The following TMTC2 variants were observed in gnomAD, a reference collection of about 807,000 sequenced individuals.
TMTC2 encodes protein O-mannosyl-transferase TMTC2.
In TMTC2, 43 loss-of-function variants were observed where a neutral mutation model predicts 82.4. The observed-to-expected ratio is 0.52, with a 90% CI of 0.41 to 0.67. The LOEUF is 0.67. Ranked by LOEUF, TMTC2 falls within the 30% of genes least tolerant of loss-of-function variation. The pLI is 0.00. For missense variants in TMTC2, 919 were observed against 1,012.4 expected, an observed-to-expected ratio of 0.91 and a Z score of 1.25; for synonymous variants, 408 against 381.9, an observed-to-expected ratio of 1.07 and a Z score of -0.80.
intron 7 of TMTC2, among the ~76,000 whole-genome samples, chr12:82,974,197 C>A (rs1878568568): frequency 6.6e-6 from 1 of 152,036 alleles, no homozygotes; most frequent in Non-Finnish European, 1.5e-5. Flanking sequence ...GGAGAGACTC[C>A]ATCTCTACAT....
intron 4 of TMTC2, among the ~76,000 whole-genome samples, chr12:82,952,921 G>A (rs764954430): frequency 2.6e-5 from 4 of 152,172 alleles, no homozygotes; most frequent in Non-Finnish European, 5.9e-5. Context: ...CATTTTGTCA[G>A]TTGGGAAGAG....
intron 9 of TMTC2, among the ~76,000 whole-genome samples, chr12:83,043,277 G>T (rs76020552): frequency 0.01 from 1,527 of 152,276 alleles, 21 homozygotes; most frequent in Admixed American, 0.023. Context: ...CCTACAGCTA[G>T]TCTAAAACCT....
intron 8 of TMTC2, among the ~76,000 whole-genome samples, chr12:83,016,548 G>GA (rs778131201): frequency 2.8e-4 from 42 of 152,302 alleles, no homozygotes; most frequent in Admixed American, 1.2e-3. Flanking sequence ...CCATGTGTAA[G>GA]AGTAGGAATT....
intron 1 of TMTC2, among the ~76,000 whole-genome samples, chr12:82,761,884 T>TTCTC (rs66906113): frequency 1.3e-3 from 189 of 150,016 alleles, no homozygotes; most frequent in African/African-American, 3.3e-3. Context: ...CTTTCTTTCT[T>TTCTC]TCTCTCTCTT....
chr12:82,893,743 A>G (rs78975397), intron 2 of TMTC2, among the ~76,000 whole-genome samples: 4,437 of 152,314 alleles, frequency 0.029, 95 homozygotes, highest in Middle Eastern at 0.051. Flanking sequence ...TGGACATATC[A>G]CCATAAAGTG....
intron 8 of TMTC2, among the ~76,000 whole-genome samples, chr12:83,025,262 A>G (rs1881112366): frequency 6.6e-6 from 1 of 152,010 alleles, no homozygotes; most frequent in Non-Finnish European, 1.5e-5. Flanking sequence ...TGGTTATTGT[A>G]TTTATGGAAT....
intron 8 of TMTC2, among the ~76,000 whole-genome samples, chr12:83,026,797 T>G (rs746226375): frequency 2.0e-5 from 3 of 151,702 alleles, no homozygotes; most frequent in Non-Finnish European, 4.4e-5. Context: ...AAACCATTGA[T>G]CAGTGATTGG....
At chr12:82,850,041 A>T (rs1227639682) in intron 1 of TMTC2, among the ~76,000 whole-genome samples, 1 of 152,022 alleles carries the variant, frequency 6.6e-6, no homozygotes, top group Non-Finnish European at 1.5e-5. Context: ...GGGGAGATAC[A>T]GTACATTAAC....
In TMTC2 at chr12:82,873,386, T is replaced by C. The variant is rs551625001; in HGVS notation, c.654+15806T>C. ...TAGTCTGCTTAGCTGTCTATTCTAC[T>C]GTATAACAAATTGGCACTGAAGTTT... On this transcript the variant is annotated intron_variant, in intron 2 of 11. Coordinates refer to ENST00000321196, the MANE Select transcript of TMTC2 (RefSeq NM_152588.3). Among the ~76,000 whole-genome samples, 13 of 152,224 alleles carry C rather than the reference T, an allele frequency of 8.5e-5. No individual in the cohort carries two copies. In the South Asian group the frequency reaches 2.7e-3, roughly 32 times the overall value.
At chr12:82,993,401 A>AT (rs1254483677) in intron 8 of TMTC2, among the ~76,000 whole-genome samples, 1 of 151,930 alleles carries the variant, frequency 6.6e-6, no homozygotes, top group African/African-American at 2.4e-5. Flanking sequence ...ACATTGGAAA[A>AT]TTTTTTGGAG....
chr12:83,120,298 C>T (rs572014234), intron 11 of TMTC2, among the ~76,000 whole-genome samples: 82 of 152,196 alleles, frequency 5.4e-4, no homozygotes, highest in Middle Eastern at 3.4e-3. Flanking sequence ...TTTCAGCATT[C>T]GTTTCAAGAT....
intron 1 of TMTC2, among the ~76,000 whole-genome samples, chr12:82,751,482 A>T (rs936707795): frequency 6.6e-6 from 1 of 152,162 alleles, no homozygotes; most frequent in Non-Finnish European, 1.5e-5. Context: ...GCACATGTAT[A>T]CATATGTAAC....
At chr12:83,024,713 T>C (rs1881086780) in intron 8 of TMTC2, among the ~76,000 whole-genome samples, 1 of 152,224 alleles carries the variant, frequency 6.6e-6, no homozygotes, top group Non-Finnish European at 1.5e-5. Context: ...CCAATTAAGA[T>C]ACAAATATTT....
chr12:83,065,532 G>A (rs1882888049), intron 11 of TMTC2, among the ~76,000 whole-genome samples: 1 of 151,666 alleles, frequency 6.6e-6, no homozygotes, highest in African/African-American at 2.4e-5. Context: ...CTTGATTTTT[G>A]GGGCTGATTG....
intron 1 of TMTC2, among the ~76,000 whole-genome samples, chr12:82,837,305 G>T (rs1316858767): frequency 6.6e-6 from 1 of 152,092 alleles, no homozygotes; most frequent in Admixed American, 6.6e-5. Context: ...TAAATGATTT[G>T]ATTCAATAAA....
intron 3 of TMTC2, among the ~76,000 whole-genome samples, chr12:82,918,186 G>GCGCA (rs1875130504): frequency 6.6e-6 from 1 of 152,082 alleles, no homozygotes; most frequent in Non-Finnish European, 1.5e-5. Flanking sequence ...CTAGATTATA[G>GCGCA]GTATGAGCCA....
chr12:82,915,488 A>C (rs1312095476), intron 3 of TMTC2, among the ~76,000 whole-genome samples: 1 of 152,260 alleles, frequency 6.6e-6, no homozygotes, highest in East Asian at 1.9e-4. Context: ...TTTCTGTATC[A>C]AAGTTCCTTT....
intron 1 of TMTC2, among the ~76,000 whole-genome samples, chr12:82,688,673 GT>G (rs2136879018): frequency 6.6e-6 from 1 of 152,284 alleles, no homozygotes; most frequent in East Asian, 1.9e-4. Flanking sequence ...GTCCTGGGGT[GT>G]TTCATGCTCC....
At chr12:82,916,434 T>C in intron 3 of TMTC2, among the ~76,000 whole-genome samples, 1 of 152,148 alleles carries the variant, frequency 6.6e-6, no homozygotes, top group East Asian at 1.9e-4. Context: ...TGAGAAGCCA[T>C]GGGAAAAATT....
Sources: gnomAD v4.1 joint callset for allele counts (sites outside exome capture counted in the v4.1 genomes callset) on GRCh38, gnomAD v4.1.1 for gene constraint, MANE v1.5 for transcripts, NCBI Gene and HGNC (gene_info 2026-07-23, HGNC 2026-07-21) for gene names.